The following ALDH1L1 variants were observed in gnomAD, a reference collection of about 807,000 sequenced individuals.
The protein encoded by ALDH1L1 is cytosolic 10-formyltetrahydrofolate dehydrogenase.
Under a neutral mutation model 101.1 loss-of-function variants are expected in ALDH1L1, and 68 were observed. The observed-to-expected ratio is 0.67, with a 90% CI of 0.55 to 0.82. The LOEUF (loss-of-function observed/expected upper bound fraction) is 0.82. ALDH1L1 is among the 40% of genes least tolerant of loss of function. The pLI, the probability that ALDH1L1 is intolerant of heterozygous loss-of-function variation, is 0.00. For missense variants in ALDH1L1, 1,087 were observed against 1,172.7 expected (o/e 0.93, Z 1.07); for synonymous variants, 486 against 470.8 (o/e 1.03, Z -0.42).
intron 19 of ALDH1L1, 125 bp downstream of exon 19, chr3:126,112,657 G>A: frequency 1.2e-6 from 1 of 841,830 alleles, no homozygotes; most frequent in Non-Finnish European, 1.9e-6. Flanking sequence ...CCCCCGGGGG[G>A]AGTGTCCTCC....
intron 1 of ALDH1L1, among the ~76,000 whole-genome samples, chr3:126,187,012 G>A (rs544295062): frequency 6.2e-4 from 95 of 152,266 alleles, no homozygotes; most frequent in East Asian, 1.7e-3. Flanking sequence ...CCAGGAACAG[G>A]CACCCAGGGC....
rs922850746 is a variant in ALDH1L1, at chr3:126,124,414, G to A, written c.1838C>T (p.Thr613Ile). The change falls in exon 16 of 23, where the codon ACA becomes ATA. Residue 613 changes from threonine (T) to isoleucine (I), a missense_variant. Thr to Ile is a moderately conservative substitution (Grantham distance 89, BLOSUM62 -1). This residue lies in a region of ALDH1L1 where 442 missense variants were observed against 535.7 expected (regional missense o/e 0.83). Transcript: ENST00000393434. ...PLTALKFAEL[T>I]LKAGIPKGVV... ...ACCTTTGGGAATGCCGGCCTTTAATGTCAGCTCTGCAAACTTCAAGGCTGT... is the reference window on the plus strand; with the variant it reads ...ACCTTTGGGAATGCCGGCCTTTAATATCAGCTCTGCAAACTTCAAGGCTGT... The A allele has an allele frequency of 3.7e-6, 6 of 1,612,542 alleles. No individual in the cohort carries two copies. Among genetic ancestry groups the A allele is most frequent in the Non-Finnish European group, 5.1e-6 (6 of 1,179,382 alleles).
intron 7 of ALDH1L1, chr3:126,152,658 C>A: frequency 6.4e-6 from 1 of 155,784 alleles, no homozygotes; most frequent in Non-Finnish European, 1.4e-5. Context: ...TCCCTGCCTG[C>A]CCTCTCCCTA....
At position 126,137,845 on chromosome 3, in the gene ALDH1L1, C is replaced by A. The variant is rs144521878; in HGVS notation, c.1192G>T (p.Asp398Tyr). The A allele has an allele frequency of 6.2e-7, 1 of 1,614,192 alleles. No homozygotes were observed. The highest frequency in any genetic ancestry group is 1.3e-5 in the African/African-American group (1 of 75,064). Residue 398 changes from aspartate (D) to tyrosine (Y), a missense_variant, in exon 10 of 23, where the codon GAC becomes TAC. This residue lies in a region of ALDH1L1 where 645 missense variants were observed against 637.0 expected (regional missense o/e 1.01). Coordinates refer to ENST00000393434, the MANE Select transcript of ALDH1L1 (RefSeq NM_012190.4). ...ATGCTGCACTCGCCCTCCTCATCGT[C>A]CCCTCGCAGCTTCCTCACTAACAGC... Reference protein sequence around the residue: ...IQLLVRKLRGDDEEGECSIDY... With the variant: ...IQLLVRKLRGYDEEGECSIDY...
At chr3:126,161,466 G>A (rs540646490) in intron 1 of ALDH1L1, among the ~76,000 whole-genome samples, 1 of 152,356 alleles carries the variant, frequency 6.6e-6, no homozygotes, top group Admixed American at 6.5e-5. Context: ...CACAAAAGGA[G>A]CAAGGGGAGT....
chr3:126,161,113 C>A, intron 1 of ALDH1L1, 111 bp from the exon 2 acceptor site: 1 of 1,249,150 alleles, frequency 8.0e-7, no homozygotes, highest in South Asian at 1.5e-5. Context: ...CCCCAGTCCC[C>A]TCTGTGGCTC....
At chr3:126,110,674 C>G (rs1946048575) in intron 19 of ALDH1L1, among the ~76,000 whole-genome samples, 1 of 152,126 alleles carries the variant, frequency 6.6e-6, no homozygotes, top group South Asian at 2.1e-4. Context: ...CCTAATCAGA[C>G]ACAGGTGTGA....
At chr3:126,180,722 G>A, upstream of ALDH1L1, 1 of 1,402,438 alleles carries the variant, frequency 7.1e-7, no homozygotes, top group Non-Finnish European at 9.3e-7. Context: ...ACCCTCTCCG[G>A]GCGGGTCTAT....
chr3:126,106,004 C>T, intron 21 of ALDH1L1, 79 bp from the exon 22 acceptor site: 2 of 1,394,248 alleles, frequency 1.4e-6, no homozygotes, highest in East Asian at 2.3e-5. Flanking sequence ...CGGCCCACTC[C>T]ACACCCCAGC....
At chr3:126,176,096 A>G (rs913601774) in intron 1 of ALDH1L1, among the ~76,000 whole-genome samples, 2 of 152,238 alleles carry the variant, frequency 1.3e-5, no homozygotes, top group Admixed American at 1.3e-4. Flanking sequence ...CATTTACATT[A>G]GCACCAAAAA....
chr3:126,133,889 C>A (rs1049190360), intron 12 of ALDH1L1, among the ~76,000 whole-genome samples: 1 of 152,232 alleles, frequency 6.6e-6, no homozygotes, highest in Non-Finnish European at 1.5e-5. Context: ...TTCCCAGGAG[C>A]TCCTCTTTGT....
intron 20 of ALDH1L1, chr3:126,107,889 G>A (rs1945939931): frequency 6.5e-6 from 1 of 152,718 alleles, no homozygotes; most frequent in Admixed American, 6.5e-5. Context: ...TCTAGAGACA[G>A]AGCCCTAAGA....
intron 8 of ALDH1L1, among the ~76,000 whole-genome samples, chr3:126,147,656 G>T (rs563731217): frequency 6.6e-6 from 1 of 152,146 alleles, no homozygotes; most frequent in Non-Finnish European, 1.5e-5. Context: ...GCAATATCAG[G>T]CCAGGTCCCC....
In ALDH1L1 at chr3:126,131,364, G is replaced by C. The variant is rs370376985; in HGVS notation, c.1623+20C>G. ...GGCCAGTCTGCATGTGCTCACACTG[G>C]GTGGGAGCCTGGGCCCCACCTGGAT... is the stretch of plus-strand genomic sequence containing the variant. On this transcript the variant is annotated intron_variant, in intron 13 of 22. Transcript: ENST00000393434. 6.1e-5 allele frequency: 97 copies of C among 1,582,576 alleles called. No individual in the cohort carries two copies. Among genetic ancestry groups the C allele is most frequent in the Non-Finnish European group, 8.3e-5 (96 of 1,156,096 alleles).
At chr3:126,171,159 G>A (rs2081267966) in intron 1 of ALDH1L1, among the ~76,000 whole-genome samples, 1 of 152,176 alleles carries the variant, frequency 6.6e-6, no homozygotes, top group Admixed American at 6.5e-5. Flanking sequence ...TTAGCCAGGC[G>A]TGGTGGCGCA....
chr3:126,195,950 C>A (rs144065412), intron 1 of ALDH1L1, among the ~76,000 whole-genome samples: 1 of 151,910 alleles, frequency 6.6e-6, no homozygotes, highest in Non-Finnish European at 1.5e-5. Context: ...CATCACACAC[C>A]GGGGCCTGTC....
intron 20 of ALDH1L1, among the ~76,000 whole-genome samples, chr3:126,107,486 G>A (rs4646748): frequency 0.17 from 25,903 of 152,250 alleles, 2,349 homozygotes; most frequent in Middle Eastern, 0.27. Flanking sequence ...TGGGGCCGCC[G>A]GTTGGCAGGT....
At chr3:126,139,396 A>G (rs745483808) in intron 9 of ALDH1L1, among the ~76,000 whole-genome samples, 12 of 152,242 alleles carry the variant, frequency 7.9e-5, no homozygotes, top group Admixed American at 6.5e-5. Flanking sequence ...CTAGCCCTCA[A>G]CAAGGAAGAT....
chr3:126,149,291 A>G (rs2080760958), intron 8 of ALDH1L1, among the ~76,000 whole-genome samples: 1 of 152,260 alleles, frequency 6.6e-6, no homozygotes, highest in Admixed American at 6.5e-5. Flanking sequence ...CATGTGTGTT[A>G]TCTCCTCTAC....
Sources: allele counts gnomAD v4.1 joint callset (sites outside exome capture counted in the v4.1 genomes callset), GRCh38; gene constraint gnomAD v4.1.1; regional missense constraint gnomAD v4.1.1; transcripts MANE v1.5; gene names NCBI Gene and HGNC (gene_info 2026-07-23, HGNC 2026-07-21).